BEGAIN: variants seen among roughly 807,000 people sequenced by gnomAD.
The protein encoded by BEGAIN is brain-enriched guanylate kinase-associated protein.
Under a neutral mutation model 35.8 loss-of-function variants are expected in BEGAIN, and 19 were observed. The observed-to-expected ratio is 0.53, with a 90% confidence interval of 0.37 to 0.78. BEGAIN has a LOEUF of 0.78. Among genes scored for constraint, BEGAIN ranks in the 30% least tolerant of loss-of-function variants. The pLI is 0.00. For synonymous variants in BEGAIN, 462 were observed against 388.6 expected, an observed-to-expected ratio of 1.19 and a Z score of -2.22; for missense variants, 795 against 853.6, an observed-to-expected ratio of 0.93 and a Z score of 0.85.
At position 100,568,138 on chromosome 14, in the gene BEGAIN, T is replaced by G; in HGVS notation, c.43-199A>C. The G allele has an allele frequency of 1.0e-6, 1 of 983,734 alleles. No individual in the cohort carries two copies. Among genetic ancestry groups the G allele is most frequent in the Non-Finnish European group, 1.2e-6 (1 of 824,514 alleles). 60.9% of individuals were successfully genotyped at this position (983,734 alleles called of 1,614,324 possible). A position where few individuals can be genotyped will look rare whatever the true frequency, so the allele number is the denominator to read the frequency against. On this transcript the variant is annotated intron_variant, in intron 1 of 6. Transcript: ENST00000554140. The surrounding 1 kb of genome is among the most constrained non-coding windows in gnomAD (Gnocchi z 7.5). The stretch of plus-strand genomic sequence containing the variant: ...GTGGGCGCGCCGGGCCGCGGCCGAG[T>G]AACAGGTGAGCCCGCCCGGGCCGCC...
intron 5 of BEGAIN, 119 bp downstream of exon 5, chr14:100,543,739 G>A (rs2031978512): frequency 1.3e-6 from 1 of 782,768 alleles, no homozygotes; most frequent in East Asian, 2.7e-5. Context: ...TGAGGCTGGG[G>A]CCAAAGCAGC....
chr14:100,577,313 G>C, intron 1 of BEGAIN: 1 of 399,036 alleles, frequency 2.5e-6, no homozygotes, highest in Non-Finnish European at 4.4e-6. Flanking sequence ...AGACTCACCC[G>C]ACCTGGAGAC....
intron 1 of BEGAIN, among the ~76,000 whole-genome samples, chr14:100,575,453 G>T (rs1010377112): frequency 6.6e-6 from 1 of 152,206 alleles, no homozygotes; most frequent in Non-Finnish European, 1.5e-5. Flanking sequence ...ACTGGGGGGA[G>T]TGTGACTTGA....
At chr14:100,550,366 CTG>C in intron 2 of BEGAIN, 1 of 398,948 alleles carries the variant, frequency 2.5e-6, no homozygotes, top group Non-Finnish European at 4.4e-6. Flanking sequence ...GGACAGATGT[CTG>C]GGGACAGACG....
At position 100,567,763 on chromosome 14, in the gene BEGAIN, A is replaced by G. The variant is rs1173657855; in HGVS notation, c.71+148T>C. The G allele has an allele frequency of 7.4e-6, 5 of 676,282 alleles. No individual in the cohort carries two copies. Among genetic ancestry groups the G allele is most frequent in the Non-Finnish European group, 1.0e-5 (5 of 487,638 alleles). 41.9% of individuals were successfully genotyped at this position (676,282 alleles called of 1,614,324 possible). A position where few individuals can be genotyped will look rare whatever the true frequency, so the allele number is the denominator to read the frequency against. On this transcript the variant is annotated intron_variant, in intron 2 of 6. Transcript: ENST00000554140. The surrounding 1 kb of genome is among the most constrained non-coding windows in gnomAD (Gnocchi z 5.1). Reference sequence around the variant, plus strand: ...CTCGCGGCGCGCACACACGCACCACACACACGCACCTGGCCCGCAGCCCCG... The same window carrying G: ...CTCGCGGCGCGCACACACGCACCACGCACACGCACCTGGCCCGCAGCCCCG...
rs2035449921 is a variant in BEGAIN, at chr14:100,586,597, C to T, written c.42+652G>A. Among the ~76,000 whole-genome samples, 1 of 152,172 alleles carries T rather than the reference C, an allele frequency of 6.6e-6. No individual in the cohort carries two copies. The highest frequency in any genetic ancestry group is 2.4e-5 in the African/African-American group (1 of 41,466). ...AATTCCCATCCAACGTGCTGGGGCT[C>T]AGGGAGGGTGAGCGCGCCGGCTGAG... is the stretch of plus-strand genomic sequence containing the variant. On this transcript the variant is annotated intron_variant, in intron 1 of 6. Transcript: ENST00000554140. This position sits in a 1 kb window ranked among gnomAD's most constrained non-coding sequence, Gnocchi z 4.9.
At position 100,539,281 on chromosome 14, in the gene BEGAIN, T is replaced by G. The variant is rs1213847016; in HGVS notation, c.527A>C (p.His176Pro). The G allele has an allele frequency of 1.0e-5, 16 of 1,578,428 alleles. No homozygotes were observed. The highest frequency in any genetic ancestry group is 1.4e-5 in the Non-Finnish European group (16 of 1,163,516). ...PSDFQERVSL[H>P]MEKHGCSLPS... ...CAGGCTGCAGCCGTGCTTCTCCATG[T>G]GCAGGCTCACGCGCTCCTGGAAATC... The change falls in exon 7 of 7, where the codon CAC becomes CCC. Residue 176 changes from histidine (H) to proline (P), a missense_variant. His to Pro is a moderately conservative substitution (Grantham distance 77). This residue lies in a region of BEGAIN where 664 missense variants were observed against 647.7 expected (regional missense o/e 1.03). Transcript: ENST00000554140.
intron 1 of BEGAIN, among the ~76,000 whole-genome samples, chr14:100,585,833 G>C (rs1041496162): frequency 6.6e-6 from 1 of 152,218 alleles, no homozygotes; most frequent in Non-Finnish European, 1.5e-5. Context: ...CGGAGCCTTG[G>C]AATCTATAAA....
chr14:100,558,983 T>C lies in BEGAIN; in HGVS notation c.71+8928A>G, dbSNP rs1008811518. On this transcript the variant is annotated intron_variant, in intron 2 of 6. Transcript: ENST00000554140. This position sits in a 1 kb window ranked among gnomAD's most constrained non-coding sequence, Gnocchi z 4.6. ...TGGCCGGAGCCTGGGGCCTGGGGGT[T>C]GTTGGGGGGAGCAGACAAGGGGTGG... 6.6e-6 allele frequency among the ~76,000 whole-genome samples: 1 copy of C among 151,062 alleles called. No homozygotes were observed. The highest frequency in any genetic ancestry group is 1.5e-5 in the Non-Finnish European group (1 of 67,708).
In BEGAIN at chr14:100,564,665, A is replaced by G. The variant is rs892836281; in HGVS notation, c.71+3246T>C. ...AAGAGCCAAGGTGGCCAGGCCATCA[A>G]ATGGTGTGGCTGCATATCTACCATG... On this transcript the variant is annotated intron_variant, in intron 2 of 6. Coordinates refer to ENST00000554140, the MANE Select transcript of BEGAIN (RefSeq NM_001385089.1). Among the ~76,000 whole-genome samples, 3 of 152,296 alleles carry G rather than the reference A, an allele frequency of 2.0e-5. 1 individual carries two copies. In the Middle Eastern group the frequency reaches 0.01, roughly 518 times the overall value.
chr14:100,550,959 A>G (rs2033133888), intron 2 of BEGAIN, among the ~76,000 whole-genome samples: 1 of 152,092 alleles, frequency 6.6e-6, no homozygotes, highest in South Asian at 2.1e-4. Flanking sequence ...TCTCAACCTC[A>G]GAGGGGAGTG....
chr14:100,575,209 G>A (rs547719764), intron 1 of BEGAIN, among the ~76,000 whole-genome samples: 12 of 152,260 alleles, frequency 7.9e-5, no homozygotes, highest in African/African-American at 2.6e-4. Flanking sequence ...TTGGTGACTG[G>A]AAGCCAGGGA....
intron 1 of BEGAIN, among the ~76,000 whole-genome samples, chr14:100,584,437 G>A (rs2035391252): frequency 6.6e-6 from 1 of 152,152 alleles, no homozygotes; most frequent in Non-Finnish European, 1.5e-5. Flanking sequence ...ACTGGCCAAG[G>A]TCCATGTCTC....
chr14:100,539,247 C>G lies in BEGAIN; in HGVS notation c.561G>C (p.Pro187=). The G allele has an allele frequency of 1.9e-6, 3 of 1,588,014 alleles. No individual in the cohort carries two copies. The highest frequency in any genetic ancestry group is 2.7e-5 in the African/African-American group (2 of 74,290). The part of the protein sequence containing the change: ...MEKHGCSLPS[P]LCHPAYADSV... ...TGTCGGCGTAGGCCGGGTGGCAGAG[C>G]GGGGATGGCAGGCTGCAGCCGTGCT... Residue 187 remains proline, a synonymous_variant, in exon 7 of 7, where the codon CCG becomes CCC. Transcript: ENST00000554140.
In BEGAIN at chr14:100,568,449, T is replaced by C. The variant is rs1337140468; in HGVS notation, c.43-510A>G. Reference sequence around the variant, plus strand: ...ATTGCAGAACCTGACACTCACACAATCCGAGGGCGATGGCATTTGGAGCCT... The same window carrying C: ...ATTGCAGAACCTGACACTCACACAACCCGAGGGCGATGGCATTTGGAGCCT... On this transcript the variant is annotated intron_variant, in intron 1 of 6. Coordinates refer to ENST00000554140, the MANE Select transcript of BEGAIN (RefSeq NM_001385089.1). The surrounding 1 kb of genome is among the most constrained non-coding windows in gnomAD (Gnocchi z 7.5). 7.8e-7 allele frequency: 1 copy of C among 1,285,106 alleles called. No individual in the cohort carries two copies. Among genetic ancestry groups the C allele is most frequent in the Admixed American group, 2.3e-5 (1 of 43,110 alleles). 79.6% of individuals were successfully genotyped at this position (1,285,106 alleles called of 1,614,324 possible).
At position 100,567,956 on chromosome 14, in the gene BEGAIN, G is replaced by A; in HGVS notation, c.43-17C>T. ...GGCAGAGGCCTGCGAGAAACCAAAC[G>A]AGAGGGTCAGCAGGCAGGAGGCGTG... On this transcript the variant is annotated splice_polypyrimidine_tract_variant and intron_variant, in intron 1 of 6. Coordinates refer to ENST00000554140, the MANE Select transcript of BEGAIN (RefSeq NM_001385089.1). The surrounding 1 kb of genome is among the most constrained non-coding windows in gnomAD (Gnocchi z 5.1). 6.9e-7 allele frequency: 1 copy of A among 1,451,076 alleles called. No individual in the cohort carries two copies. Among genetic ancestry groups the A allele is most frequent in the African/African-American group, 1.5e-5 (1 of 66,830 alleles). The allele number at this position is 1,451,076 out of a possible 1,614,324, so 89.9% of individuals were successfully genotyped here. A position where few individuals can be genotyped will look rare whatever the true frequency, so the allele number is the denominator to read the frequency against.
intron 2 of BEGAIN, among the ~76,000 whole-genome samples, chr14:100,559,717 C>T (rs1337877747): frequency 6.6e-6 from 1 of 152,198 alleles, no homozygotes; most frequent in African/African-American, 2.4e-5. Context: ...TAATCGTGGA[C>T]TGCAGGACCT....
Position 100,568,616 on chromosome 14 carries a change from C to G in BEGAIN, c.43-677G>C, listed in dbSNP as rs1306402334. 2 of 982,764 alleles carry G rather than the reference C, an allele frequency of 2.0e-6. No individual in the cohort carries two copies. Among genetic ancestry groups the G allele is most frequent in the Non-Finnish European group, 2.7e-6 (2 of 745,918 alleles). 60.9% of individuals were successfully genotyped at this position (982,764 alleles called of 1,614,324 possible). ...CCTTGCTTGCGCAGACCCGCCCGCG[C>G]GCGGCTTGGAGACCCTCCCTGCCCA... On this transcript the variant is annotated intron_variant, in intron 1 of 6. Transcript: ENST00000554140. The surrounding 1 kb of genome is among the most constrained non-coding windows in gnomAD (Gnocchi z 7.5).
chr14:100,550,646 C>G (rs1465961511), intron 2 of BEGAIN: 2 of 392,300 alleles, frequency 5.1e-6, no homozygotes, highest in Non-Finnish European at 8.9e-6. Context: ...GTCCCCACCC[C>G]CTGCCAGGAA....
Sources: gnomAD v4.1 joint callset for allele counts (sites outside exome capture counted in the v4.1 genomes callset) on GRCh38, gnomAD v4.1.1 for gene constraint, gnomAD v4.1.1 regional missense constraint, Gnocchi (gnomAD v3.1) non-coding constraint, MANE v1.5 for transcripts, NCBI Gene and HGNC (gene_info 2026-07-23, HGNC 2026-07-21) for gene names.